The following RRP7A variants were observed in gnomAD, a reference collection of about 807,000 sequenced individuals.
RRP7A encodes ribosomal RNA-processing protein 7 homolog A.
In RRP7A, 27 loss-of-function variants were observed where a neutral mutation model predicts 38.4. That is an observed-to-expected ratio of 0.70 (90% CI 0.52 to 0.97). The LOEUF (loss-of-function observed/expected upper bound fraction) is 0.97. RRP7A is among the 50% of genes least tolerant of loss of function. The pLI is 0.00. For synonymous variants in RRP7A, 124 were observed against 150.3 expected (o/e 0.83, Z 1.28); for missense variants, 327 against 375.4 (o/e 0.87, Z 1.07).
In RRP7A at chr22:42,510,226, T is replaced by C. The variant is rs1383899799; in HGVS notation, c.*2684A>G. 1 of 152,926 alleles carries C rather than the reference T, an allele frequency of 6.5e-6. No individual in the cohort carries two copies. The highest frequency in any genetic ancestry group is 1.5e-5 in the Non-Finnish European group (1 of 68,570). The allele number at this position is 152,926 out of a possible 1,614,324, so 9.5% of individuals were successfully genotyped here. ...ATCCACCCGCCTCAGCCTCCCAAAG[T>C]GCTGGGATTACAGGCGTGAGCCACC... On this transcript the variant is annotated 3_prime_UTR_variant, in exon 7 of 7. Coordinates refer to ENST00000323013, the MANE Select transcript of RRP7A (RefSeq NM_015703.5).
chr22:42,515,987 G>A, intron 3 of RRP7A, 24 bp downstream of exon 3: 1 of 1,571,376 alleles, frequency 6.4e-7, no homozygotes, highest in Non-Finnish European at 8.6e-7. Context: ...TCACTCTAGT[G>A]GAACCCCGGG....
Position 42,510,722 on chromosome 22 carries a change from G to T in RRP7A, c.*2188C>A. On this transcript the variant is annotated 3_prime_UTR_variant, in exon 7 of 7. Transcript: ENST00000323013. The stretch of plus-strand genomic sequence containing the variant: ...AGACACAATGAAATCCACCCTCAAA[G>T]AGGTAAGGCGGGGCTCAGGCAGCTG... 1 of 1,522,992 alleles carries T rather than the reference G, an allele frequency of 6.6e-7. No individual in the cohort carries two copies. The highest frequency in any genetic ancestry group is 1.2e-5 in the South Asian group (1 of 83,002). The allele number at this position is 1,522,992 out of a possible 1,614,324, so 94.3% of individuals were successfully genotyped here.
intron 2 of RRP7A, 132 bp downstream of exon 2, chr22:42,517,873 C>T (rs1269415165): frequency 1.9e-5 from 20 of 1,049,226 alleles, no homozygotes; most frequent in Middle Eastern, 2.1e-4. Context: ...CTGGAGATCA[C>T]GGTAGCCCTC....
chr22:42,518,896 T>C (rs1166490470), intron 1 of RRP7A, among the ~76,000 whole-genome samples: 3 of 151,872 alleles, frequency 2.0e-5, no homozygotes, highest in Admixed American at 6.6e-5. Flanking sequence ...AGAAGACAAT[T>C]AACAAGCATA....
Position 42,514,142 on chromosome 22 carries a change from A to C in RRP7A, c.721T>G (p.Phe241Val). Residue 241 changes from phenylalanine to valine, a missense_variant, in exon 6 of 7, where the codon TTC (phenylalanine) becomes GTC (valine). Physicochemically the swap from Phe to Val is conservative, Grantham distance 50. Transcript: ENST00000323013. Reference protein sequence around the residue: ...RKRSRKELLNFYAWQHRESKM... With the variant: ...RKRSRKELLNVYAWQHRESKM... The stretch of plus-strand genomic sequence containing the variant: ...CTCTCTCGATGCTGCCAGGCGTAGA[A>C]GTTGAGCAGCTCTTTTCGGCTGCGC... 6.2e-7 allele frequency: 1 copy of C among 1,611,026 alleles called. No homozygotes were observed. The highest frequency in any genetic ancestry group is 1.1e-5 in the South Asian group (1 of 91,010).
intron 6 of RRP7A, among the ~76,000 whole-genome samples, 197 bp from the exon 7 acceptor site, chr22:42,513,192 C>A (rs1437015782): frequency 2.1e-5 from 3 of 142,884 alleles, no homozygotes; most frequent in Non-Finnish European, 4.7e-5. Context: ...AGGCCGAGTC[C>A]AAGGGCAAGG....
In RRP7A at chr22:42,514,753, C is replaced by G. The variant is rs1920925834; in HGVS notation, c.487G>C (p.Val163Leu). The G allele has an allele frequency of 1.9e-6, 3 of 1,611,534 alleles. No individual in the cohort carries two copies. Among genetic ancestry groups the G allele is most frequent in the Non-Finnish European group, 2.5e-6 (3 of 1,178,784 alleles). The change falls in exon 5 of 7, where the codon GTG becomes CTG. Residue 163 changes from valine (V) to leucine (L), a missense_variant. Physicochemically the swap from Val to Leu is conservative, Grantham distance 32. Transcript: ENST00000323013. ...HKWISDYADS[V>L]PDPEALRVEV... ...ACCCTCAGGGCCTCAGGGTCGGGCA[C>G]AGAGTCTGCGTAGTCACTGATCCAC...
chr22:42,515,747 G>A (rs558647971), intron 3 of RRP7A, among the ~76,000 whole-genome samples: 36 of 152,284 alleles, frequency 2.4e-4, no homozygotes, highest in East Asian at 5.8e-4. Context: ...GAGGGGAGCC[G>A]GGGAAGGCCC....
chr22:42,516,210 C>T (rs769611488), intron 2 of RRP7A, 74 bp from the exon 3 acceptor site: 56 of 1,585,892 alleles, frequency 3.5e-5, no homozygotes, highest in South Asian at 1.8e-4. Context: ...CCATGGGTGG[C>T]GCTGCCAGGG....
Position 42,517,874 on chromosome 22 carries a change from G to A in RRP7A, c.216+131C>T, listed in dbSNP as rs571368591. ...AGCCAGTTTCCTGACTGGAGATCAC[G>A]GTAGCCCTCCTGACACTCTCCTCTG... On this transcript the variant is annotated intron_variant, in intron 2 of 6. Coordinates refer to ENST00000323013, the MANE Select transcript of RRP7A (RefSeq NM_015703.5). 4.8e-5 allele frequency: 51 copies of A among 1,059,078 alleles called. No homozygotes were observed. In the South Asian group the frequency reaches 6.9e-4, roughly 14 times the overall value. The allele number at this position is 1,059,078 out of a possible 1,614,324, so 65.6% of individuals were successfully genotyped here. A position where few individuals can be genotyped will look rare whatever the true frequency, so the allele number is the denominator to read the frequency against.
rs554031065 is a variant in RRP7A, at chr22:42,516,402, G to A, written c.217-266C>T. On this transcript the variant is annotated intron_variant, in intron 2 of 6. Coordinates refer to ENST00000323013, the MANE Select transcript of RRP7A (RefSeq NM_015703.5). ...CTGGAGTCCTGCAACCTCCACCTTC[G>A]GGTTGCAAGTGATTCTCATGCCTCA... 1.0e-4 allele frequency: 51 copies of A among 500,012 alleles called. 1 individual carries two copies. Among genetic ancestry groups the A allele is most frequent in the South Asian group, 6.1e-4 (38 of 62,758 alleles). The allele number at this position is 500,012 out of a possible 1,614,324, so 31.0% of individuals were successfully genotyped here. A position where few individuals can be genotyped will look rare whatever the true frequency, so the allele number is the denominator to read the frequency against.
At position 42,508,609 on chromosome 22, in the gene RRP7A, A is replaced by G. The variant is rs1362060038; in HGVS notation, c.*4301T>C. Among the ~76,000 whole-genome samples, 1 of 152,148 alleles carries G rather than the reference A, an allele frequency of 6.6e-6. No individual in the cohort carries two copies. Among genetic ancestry groups the G allele is most frequent in the Non-Finnish European group, 1.5e-5 (1 of 68,018 alleles). ...TCCCAGCAAGTTTCTTTCTCCTGGC[A>G]AGAAGCCTGTCCCAGGCTGGCAGGG... On this transcript the variant is annotated 3_prime_UTR_variant, in exon 7 of 7. Transcript: ENST00000323013.
chr22:42,516,030 A>G lies in RRP7A; in HGVS notation c.323T>C (p.Phe108Ser), dbSNP rs1274812993. 1.9e-6 allele frequency: 3 copies of G among 1,604,436 alleles called. No individual in the cohort carries two copies. Among genetic ancestry groups the G allele is most frequent in the East Asian group, 4.5e-5 (2 of 44,688 alleles). The change falls in exon 3 of 7, where the codon TTT becomes TCT. Residue 108 changes from phenylalanine (F) to serine (S), a missense_variant. Coordinates refer to ENST00000323013, the MANE Select transcript of RRP7A (RefSeq NM_015703.5). ...ESPKESRSKF[F>S]HPKPVPGFQV... Reference sequence around the variant, plus strand: ...GCTCACCGGAACTGGCTTGGGATGAAAAAACTTCGACCTTGACTCCTTTGG... The same window carrying G: ...GCTCACCGGAACTGGCTTGGGATGAGAAAACTTCGACCTTGACTCCTTTGG...
In RRP7A at chr22:42,512,606, G is replaced by C. The variant is rs370434293; in HGVS notation, c.*304C>G. On this transcript the variant is annotated 3_prime_UTR_variant, in exon 7 of 7. Coordinates refer to ENST00000323013, the MANE Select transcript of RRP7A (RefSeq NM_015703.5). ...TTGCCAGCAAGGGCTTTTGCATTGAGGGAAAAGGAAGCACAGAACGGATTC... is the reference window on the plus strand; with the variant it reads ...TTGCCAGCAAGGGCTTTTGCATTGACGGAAAAGGAAGCACAGAACGGATTC... The C allele has an allele frequency of 3.6e-6, 2 of 556,020 alleles. No homozygotes were observed. The highest frequency in any genetic ancestry group is 6.5e-6 in the Non-Finnish European group (2 of 309,954). The allele number at this position is 556,020 out of a possible 1,614,324, so 34.4% of individuals were successfully genotyped here.
Position 42,512,592 on chromosome 22 carries a change from G to A in RRP7A, c.*318C>T, listed in dbSNP as rs140898165. On this transcript the variant is annotated 3_prime_UTR_variant, in exon 7 of 7. Coordinates refer to ENST00000323013, the MANE Select transcript of RRP7A (RefSeq NM_015703.5). ...TTGAGGCTTTTTCGTTGCCAGCAAG[G>A]GCTTTTGCATTGAGGGAAAAGGAAG... 3 of 548,220 alleles carry A rather than the reference G, an allele frequency of 5.5e-6. No individual in the cohort carries two copies. The highest frequency in any genetic ancestry group is 6.2e-5 in the East Asian group (2 of 32,172). The allele number at this position is 548,220 out of a possible 1,614,324, so 34.0% of individuals were successfully genotyped here.
chr22:42,519,683 G>GC, intron 1 of RRP7A, 31 bp downstream of exon 1: 2 of 1,434,394 alleles, frequency 1.4e-6, no homozygotes, highest in Admixed American at 2.8e-5. Flanking sequence ...ATGCCTGACC[G>GC]CCCCCGGTCT....
At chr22:42,516,831 G>A (rs1359104494) in intron 2 of RRP7A, among the ~76,000 whole-genome samples, 1 of 152,196 alleles carries the variant, frequency 6.6e-6, no homozygotes, top group Non-Finnish European at 1.5e-5. Flanking sequence ...GGGATGCAGC[G>A]AGCTGGACAC....
At position 42,511,295 on chromosome 22, in the gene RRP7A, G is replaced by A. The variant is rs957868828; in HGVS notation, c.*1615C>T. 14 of 152,198 alleles carry A rather than the reference G, an allele frequency of 9.2e-5. No homozygotes were observed. The highest frequency in any genetic ancestry group is 1.9e-4 in the Non-Finnish European group (13 of 68,178). The allele number at this position is 152,198 out of a possible 1,614,324, so 9.4% of individuals were successfully genotyped here. A position where few individuals can be genotyped will look rare whatever the true frequency, so the allele number is the denominator to read the frequency against. On this transcript the variant is annotated 3_prime_UTR_variant, in exon 7 of 7. Coordinates refer to ENST00000323013, the MANE Select transcript of RRP7A (RefSeq NM_015703.5). ...GGGTTCAAGCGACTCTCGTGCCTCA[G>A]CCTCCTGAGTAGCTGGGATTACAGG...
rs1421070291 is a variant in RRP7A, at chr22:42,510,924, C to CA, written c.*1985dup. ...ACACATGTAATCAGAATTTAAGAAACAGAGACCTTTGGTGGGGAGGTTCTT... is the reference window on the plus strand; with the variant it reads ...ACACATGTAATCAGAATTTAAGAAACAAGAGACCTTTGGTGGGGAGGTTCTT... On this transcript the variant is annotated 3_prime_UTR_variant, in exon 7 of 7. Transcript: ENST00000323013. The CA allele has an allele frequency of 6.4e-6, 3 of 468,744 alleles. No homozygotes were observed. The highest frequency in any genetic ancestry group is 1.6e-4 in the South Asian group (2 of 12,134). The allele number at this position is 468,744 out of a possible 1,614,324, so 29.0% of individuals were successfully genotyped here.
Sources: gnomAD v4.1 joint callset for allele counts (sites outside exome capture counted in the v4.1 genomes callset) on GRCh38, gnomAD v4.1.1 for gene constraint, MANE v1.5 for transcripts, NCBI Gene and HGNC (gene_info 2026-07-23, HGNC 2026-07-21) for gene names.